FUT8: variants seen among roughly 807,000 people sequenced by gnomAD.
FUT8 encodes fucosyltransferase 8.
FUT8 carries 29 observed loss-of-function variants against 71.3 expected under a neutral mutation model. That is an observed-to-expected ratio of 0.41 (90% confidence interval 0.30 to 0.55). The LOEUF (loss-of-function observed/expected upper bound fraction) is 0.55. Among genes scored for constraint, FUT8 ranks in the 20% least tolerant of loss-of-function variants. The pLI, the probability that FUT8 is intolerant of heterozygous loss-of-function variation, is 0.34. For missense variants in FUT8, 544 were observed against 702.1 expected (o/e 0.77, Z 2.55); for synonymous variants, 254 against 239.3 (o/e 1.06, Z -0.57).
In FUT8 at chr14:65,669,193, A is replaced by C; in HGVS notation, c.598-50A>C. 9 of 1,266,026 alleles carry C rather than the reference A, an allele frequency of 7.1e-6. No individual in the cohort carries two copies. Among genetic ancestry groups the C allele is most frequent in the South Asian group, 1.3e-5 (1 of 75,610 alleles). 78.4% of individuals were successfully genotyped at this position (1,266,026 alleles called of 1,614,324 possible). A position where few individuals can be genotyped will look rare whatever the true frequency, so the allele number is the denominator to read the frequency against. On this transcript the variant is annotated intron_variant, in intron 6 of 10. Transcript: ENST00000673929. This position sits in a 1 kb window ranked among gnomAD's most constrained non-coding sequence, Gnocchi z 4.5. ...GATTAAAAAAAAAAAAGAGCAGTTG[A>C]CCTCTCTGTACAACTTATCTTTATT... is the stretch of plus-strand genomic sequence containing the variant.
intron 10 of FUT8, among the ~76,000 whole-genome samples, chr14:65,737,224 C>T (rs1390753038): frequency 2.0e-5 from 3 of 152,100 alleles, no homozygotes; most frequent in Non-Finnish European, 4.4e-5. Context: ...AACACTGTGG[C>T]TCTGCTCTCT....
chr14:65,393,027 T>A, the FUT8 span, among the ~76,000 whole-genome samples: 4 of 151,938 alleles, frequency 2.6e-5, no homozygotes, highest in South Asian at 8.3e-4. Flanking sequence ...AGACTAGGAG[T>A]GGATGTATTG....
upstream of FUT8, chr14:65,411,166 C>T (rs1167220980): frequency 3.3e-5 from 5 of 152,232 alleles, no homozygotes; most frequent in Admixed American, 1.3e-4. Flanking sequence ...CATGCATTTA[C>T]AAATTGTTAT....
chr14:65,651,119 C>T (rs572170255), intron 6 of FUT8, among the ~76,000 whole-genome samples: 13 of 152,290 alleles, frequency 8.5e-5, no homozygotes, highest in African/African-American at 3.1e-4. Flanking sequence ...AAAGCCCTGA[C>T]CGCCGTTTCC....
intron 2 of FUT8, among the ~76,000 whole-genome samples, chr14:65,509,063 G>C (rs1882163107): frequency 6.6e-6 from 1 of 152,096 alleles, no homozygotes; most frequent in Non-Finnish European, 1.5e-5. Context: ...TGAGGTCTTA[G>C]ATTTTTGTCT....
At chr14:65,476,910 T>C (rs1442321627) in intron 2 of FUT8, among the ~76,000 whole-genome samples, 2 of 152,158 alleles carry the variant, frequency 1.3e-5, no homozygotes, top group Admixed American at 6.5e-5. Flanking sequence ...ATGCATAAAC[T>C]TCAGCAACTT....
intron 3 of FUT8, among the ~76,000 whole-genome samples, chr14:65,576,696 CTTTTT>C (rs376473739): frequency 6.2e-5 from 6 of 96,198 alleles, no homozygotes; most frequent in Admixed American, 1.1e-4. Flanking sequence ...GCCCAGCTTG[CTTTTT>C]TTTTTTTTTT....
intron 9 of FUT8, among the ~76,000 whole-genome samples, chr14:65,728,546 C>T (rs1306176050): frequency 6.6e-6 from 1 of 152,212 alleles, no homozygotes; most frequent in Non-Finnish European, 1.5e-5. Flanking sequence ...AAAGTATTAT[C>T]CTCAATCCCA....
At chr14:65,391,573 C>T in the FUT8 span, among the ~76,000 whole-genome samples, 1 of 152,234 alleles carries the variant, frequency 6.6e-6, no homozygotes, top group Non-Finnish European at 1.5e-5. Context: ...CCAAGCTGGT[C>T]TCGAACTCCT....
rs552764431 is a variant in FUT8 at position 65,530,188 on chromosome 14, T to G, written c.-227-31149T>G. On this transcript the variant is annotated intron_variant, in intron 2 of 10. Transcript: ENST00000673929. ...TTTCTGTATTATGACCTCTTGTGTT[T>G]TTTAACTCAGCAATGGCACTAGATT... Among the ~76,000 whole-genome samples, 4 of 152,352 alleles carry G rather than the reference T, an allele frequency of 2.6e-5. 1 individual carries two copies. The South Asian group carries it at 8.3e-4, about 32-fold the overall frequency.
intron 1 of FUT8, among the ~76,000 whole-genome samples, chr14:65,432,877 T>C (rs1566743691): frequency 1.3e-5 from 2 of 152,170 alleles, no homozygotes; most frequent in Non-Finnish European, 2.9e-5. Context: ...GCCATAAAAA[T>C]AGGCAACCAA....
chr14:65,404,633 C>G, the FUT8 span, among the ~76,000 whole-genome samples: 4 of 152,140 alleles, frequency 2.6e-5, no homozygotes, highest in Non-Finnish European at 4.4e-5. Flanking sequence ...TGCCACCACA[C>G]CCAGCTAATT....
chr14:65,722,107 T>C lies in FUT8; in HGVS notation c.1082+86T>C, dbSNP rs993206372. 1.7e-5 allele frequency: 26 copies of C among 1,495,506 alleles called. 1 individual carries two copies. Among genetic ancestry groups the C allele is most frequent in the Middle Eastern group, 4.8e-4 (2 of 4,198 alleles). 92.6% of individuals were successfully genotyped at this position (1,495,506 alleles called of 1,614,324 possible). A position where few individuals can be genotyped will look rare whatever the true frequency, so the allele number is the denominator to read the frequency against. On this transcript the variant is annotated intron_variant, in intron 8 of 10. Coordinates refer to ENST00000673929, the MANE Select transcript of FUT8 (RefSeq NM_001371533.1). Reference sequence around the variant, plus strand: ...ACAATATATTGTGAATTTTACAATATGTAGTTCAATTTTTATAGTCCCACC... The same window carrying C: ...ACAATATATTGTGAATTTTACAATACGTAGTTCAATTTTTATAGTCCCACC...
intron 2 of FUT8, among the ~76,000 whole-genome samples, chr14:65,517,499 A>G (rs1404747009): frequency 6.6e-6 from 1 of 152,202 alleles, no homozygotes; most frequent in Non-Finnish European, 1.5e-5. Flanking sequence ...GTTTCTTGCC[A>G]AAATTTTTGT....
chr14:65,470,532 C>T (rs2139631220), intron 2 of FUT8, among the ~76,000 whole-genome samples: 1 of 152,332 alleles, frequency 6.6e-6, no homozygotes, highest in South Asian at 2.1e-4. Flanking sequence ...TGGACCTGGG[C>T]TGGGATCCGG....
At chr14:65,447,932 C>T (rs1257099889) in intron 1 of FUT8, among the ~76,000 whole-genome samples, 3 of 152,252 alleles carry the variant, frequency 2.0e-5, no homozygotes, top group Admixed American at 6.5e-5. Context: ...TTGAAAGGCA[C>T]GATAACCAGC....
chr14:65,674,267 T>G (rs1419661399), intron 7 of FUT8, among the ~76,000 whole-genome samples: 1 of 152,206 alleles, frequency 6.6e-6, no homozygotes, highest in Non-Finnish European at 1.5e-5. Context: ...TTTCTCTGTT[T>G]AGGGGATCTG....
At chr14:65,428,606 A>G (rs779997802) in intron 1 of FUT8, among the ~76,000 whole-genome samples, 6 of 152,208 alleles carry the variant, frequency 3.9e-5, no homozygotes, top group Admixed American at 6.5e-5. Context: ...CAATGAACAA[A>G]TTTGGAATTG....
the FUT8 span, among the ~76,000 whole-genome samples, chr14:65,386,739 A>G: frequency 6.9e-6 from 1 of 145,394 alleles, no homozygotes; most frequent in East Asian, 2.2e-4. Context: ...TATTTTTCTG[A>G]TTCTTTATAT....
Sources: gnomAD v4.1 joint callset for allele counts (sites outside exome capture counted in the v4.1 genomes callset) on GRCh38, gnomAD v4.1.1 for gene constraint, Gnocchi (gnomAD v3.1) non-coding constraint, MANE v1.5 for transcripts, NCBI Gene and HGNC (gene_info 2026-07-23, HGNC 2026-07-21) for gene names.